NRXN3: variants seen among roughly 807,000 people sequenced by gnomAD.
NRXN3 encodes neurexin 3.
Under a neutral mutation model 137.6 loss-of-function variants are expected in NRXN3, and 32 were observed. The observed-to-expected ratio is 0.23, with a 90% confidence interval of 0.18 to 0.31. The LOEUF (loss-of-function observed/expected upper bound fraction) is 0.31, where lower values mean the gene tolerates loss of function less well. Among genes scored for constraint, NRXN3 ranks in the 10% least tolerant of loss-of-function variants. The probability of loss-of-function intolerance (pLI) is 1.00; values close to 1 mark genes in which losing one functional copy is unlikely to be tolerated. For synonymous variants in NRXN3, 798 were observed against 784.5 expected, an observed-to-expected ratio of 1.02 and a Z score of -0.29; for missense variants, 1,574 against 2,062.5, an observed-to-expected ratio of 0.76 and a Z score of 4.59.
intron 1 of NRXN3, among the ~76,000 whole-genome samples, chr14:78,212,040 A>G (rs2153413214): frequency 6.6e-6 from 1 of 152,302 alleles, no homozygotes; most frequent in African/African-American, 2.4e-5. Context: ...TAGAAGGGAA[A>G]GTATAGATGG....
At chr14:79,570,677 ATAAT>A (rs1278966609) in intron 16 of NRXN3, 2 of 152,192 alleles carry the variant, frequency 1.3e-5, no homozygotes, top group African/African-American at 2.4e-5. Flanking sequence ...AATTCTAGTG[ATAAT>A]TAATCTGCTG....
chr14:78,314,126 C>A (rs1020053138), intron 4 of NRXN3, among the ~76,000 whole-genome samples: 2 of 152,076 alleles, frequency 1.3e-5, no homozygotes, highest in Non-Finnish European at 2.9e-5. Flanking sequence ...AAGCCCTTTT[C>A]TGGGTGCAAG....
chr14:79,656,018 T>C (rs1472025409), intron 16 of NRXN3, among the ~76,000 whole-genome samples: 2 of 152,200 alleles, frequency 1.3e-5, no homozygotes, highest in African/African-American at 2.4e-5. Flanking sequence ...CCGCTGGTGA[T>C]ACTGCTGCTG....
chr14:79,743,138 C>T (rs979145301), intron 19 of NRXN3, among the ~76,000 whole-genome samples: 6 of 152,018 alleles, frequency 3.9e-5, no homozygotes, highest in Non-Finnish European at 7.4e-5. Flanking sequence ...ATTTTATTTA[C>T]TTTTGTATGT....
intron 15 of NRXN3, among the ~76,000 whole-genome samples, chr14:79,222,936 C>A (rs1017968587): frequency 6.6e-6 from 1 of 152,002 alleles, no homozygotes; most frequent in Non-Finnish European, 1.5e-5. Context: ...ATCATTATGT[C>A]TTTTTCAAAT....
chr14:78,512,917 C>T (rs994692662), intron 4 of NRXN3, among the ~76,000 whole-genome samples: 1 of 152,196 alleles, frequency 6.6e-6, no homozygotes, highest in African/African-American at 2.4e-5. Flanking sequence ...TATAATTTTG[C>T]TTTCTGCCCC....
chr14:79,290,784 G>A (rs192637105), intron 15 of NRXN3, among the ~76,000 whole-genome samples: 21 of 152,226 alleles, frequency 1.4e-4, no homozygotes, highest in Admixed American at 1.2e-3. Flanking sequence ...GTGATAGGCA[G>A]CAAAAGCATT....
At chr14:79,722,139 A>G (rs1057334450) in intron 19 of NRXN3, among the ~76,000 whole-genome samples, 2 of 151,944 alleles carry the variant, frequency 1.3e-5, no homozygotes, top group Non-Finnish European at 2.9e-5. Context: ...AGTTGTCTTG[A>G]TCTCTTCTTT....
chr14:78,925,093 C>G (rs910690919), intron 10 of NRXN3, among the ~76,000 whole-genome samples: 14 of 152,204 alleles, frequency 9.2e-5, no homozygotes, highest in African/African-American at 3.1e-4. Context: ...TCAGCTGACT[C>G]ATTTGAGCGT....
intron 19 of NRXN3, among the ~76,000 whole-genome samples, chr14:79,701,154 A>G (rs2098753201): frequency 1.3e-5 from 2 of 152,086 alleles, no homozygotes; most frequent in South Asian, 4.1e-4. Flanking sequence ...TAGTAAGGCT[A>G]TAGCATAGTG....
At chr14:79,490,037 T>A (rs1427938449) in intron 16 of NRXN3, among the ~76,000 whole-genome samples, 20 of 41,352 alleles carry the variant, frequency 4.8e-4, no homozygotes, top group Non-Finnish European at 6.5e-4. Flanking sequence ...ATACTCCATC[T>A]CAAAAAAAAA....
At chr14:78,628,134 G>A (rs932972714) in intron 4 of NRXN3, among the ~76,000 whole-genome samples, 5 of 150,264 alleles carry the variant, frequency 3.3e-5, no homozygotes, top group African/African-American at 9.8e-5. Flanking sequence ...GTGCAGTAGT[G>A]TGATCATGAC....
At chr14:79,392,019 G>C (rs1259716591) in intron 15 of NRXN3, among the ~76,000 whole-genome samples, 1 of 151,792 alleles carries the variant, frequency 6.6e-6, no homozygotes, top group Non-Finnish European at 1.5e-5. Flanking sequence ...TATACTTTAA[G>C]TTCTGAGATA....
chr14:79,486,243 C>T lies in NRXN3; in HGVS notation c.3444+18841C>T, dbSNP rs17109278. On this transcript the variant is annotated intron_variant, in intron 16 of 20. Transcript: ENST00000335750. ...AAGAGCCAAGGCCCAATTTAACTCCCTAGTGCCAGGGTCTCCAAATGTTTT... is the reference window on the plus strand; with the variant it reads ...AAGAGCCAAGGCCCAATTTAACTCCTTAGTGCCAGGGTCTCCAAATGTTTT... Among the ~76,000 whole-genome samples, 912 of 152,218 alleles carry T rather than the reference C, an allele frequency of 6.0e-3. 11 individuals carry two copies. Among genetic ancestry groups the T allele is most frequent in the African/African-American group, 0.021 (862 of 41,512 alleles).
intron 4 of NRXN3, among the ~76,000 whole-genome samples, chr14:78,572,899 T>C (rs2096902734): frequency 6.6e-6 from 1 of 152,184 alleles, no homozygotes; most frequent in Admixed American, 6.5e-5. Context: ...TGGTGACTGA[T>C]ATGGTCTAGC....
At chr14:78,552,368 G>A (rs1160137446) in intron 4 of NRXN3, among the ~76,000 whole-genome samples, 1 of 152,198 alleles carries the variant, frequency 6.6e-6, no homozygotes, top group Non-Finnish European at 1.5e-5. Flanking sequence ...GAAAGCCTGA[G>A]TATTTCTGTG....
intron 19 of NRXN3, among the ~76,000 whole-genome samples, chr14:79,748,607 A>G (rs1336164231): frequency 3.5e-4 from 53 of 152,230 alleles, no homozygotes; most frequent in South Asian, 2.1e-4. Context: ...TTGAAGCCAT[A>G]TATTCACTCT....
intron 4 of NRXN3, among the ~76,000 whole-genome samples, chr14:78,366,725 A>T (rs2086006864): frequency 6.6e-6 from 1 of 152,128 alleles, no homozygotes; most frequent in South Asian, 2.1e-4. Context: ...ATCTTGTGAG[A>T]CTTATTCACT....
At chr14:79,009,954 A>G (rs1006047162) in intron 15 of NRXN3, among the ~76,000 whole-genome samples, 3 of 152,208 alleles carry the variant, frequency 2.0e-5, no homozygotes, top group African/African-American at 7.2e-5. Context: ...CTTTTGAAGA[A>G]TATAGAGAAT....
Sources: allele counts gnomAD v4.1 joint callset (sites outside exome capture counted in the v4.1 genomes callset), GRCh38; gene constraint gnomAD v4.1.1; transcripts MANE v1.5; gene names NCBI Gene and HGNC (gene_info 2026-07-23, HGNC 2026-07-21).